Variants in ZEB1 observed in about 807,000 individuals in gnomAD.
ZEB1 encodes zinc finger E-box-binding homeobox 1.
Under a neutral mutation model 84.9 loss-of-function variants are expected in ZEB1, and 21 were observed. That is an observed-to-expected ratio of 0.25 (90% CI 0.18 to 0.36). The LOEUF (loss-of-function observed/expected upper bound fraction) is 0.36. ZEB1 is among the 10% of genes least tolerant of loss of function. The pLI is 1.00. For synonymous variants in ZEB1, 420 were observed against 471.1 expected (o/e 0.89, Z 1.41); for missense variants, 1,104 against 1,330.2 (o/e 0.83, Z 2.65).
At chr10:31,404,037 A>G (rs1414501579) in intron 1 of ZEB1, among the ~76,000 whole-genome samples, 3 of 152,108 alleles carry the variant, frequency 2.0e-5, no homozygotes, top group Admixed American at 6.6e-5. Flanking sequence ...TATATTTACT[A>G]TATTAAATTT....
At chr10:31,512,002 G>A (rs576271623) in intron 5 of ZEB1, among the ~76,000 whole-genome samples, 1 of 152,254 alleles carries the variant, frequency 6.6e-6, no homozygotes, top group African/African-American at 2.4e-5. Context: ...ACTTGAAACA[G>A]GTGAGAGCTC....
At chr10:31,476,603 A>C in intron 2 of ZEB1, among the ~76,000 whole-genome samples, 1 of 152,036 alleles carries the variant, frequency 6.6e-6, no homozygotes, top group East Asian at 1.9e-4. Flanking sequence ...ATACCTCCCT[A>C]ACTCTTTCTG....
chr10:31,323,843 T>A (rs1269316966), intron 1 of ZEB1, among the ~76,000 whole-genome samples: 1 of 152,066 alleles, frequency 6.6e-6, no homozygotes, highest in East Asian at 1.9e-4. Flanking sequence ...GTGGTGTTTT[T>A]ATAAATGCAT....
rs760963760 is a variant in ZEB1 at position 31,386,506 on chromosome 10, T to A, written c.58+67214T>A. ...ATTCTTCTTAATCATCGCAATTTTT[T>A]AAAATGCTTTCTATGTACCAGGACC... On this transcript the variant is annotated intron_variant, in intron 1 of 8. Coordinates refer to ENST00000424869, the MANE Select transcript of ZEB1 (RefSeq NM_001174096.2). 2.6e-5 allele frequency among the ~76,000 whole-genome samples: 4 copies of A among 152,242 alleles called. 1 individual carries two copies. The highest frequency in any genetic ancestry group is 2.0e-4 in the Admixed American group (3 of 15,284).
chr10:31,321,789 G>T, intron 1 of ZEB1: 1 of 527,130 alleles, frequency 1.9e-6, no homozygotes, highest in Non-Finnish European at 3.4e-6. Context: ...GATCCTGAAA[G>T]ATACTTGAAA....
intron 1 of ZEB1, among the ~76,000 whole-genome samples, chr10:31,421,051 C>T (rs2056080760): frequency 1.3e-5 from 2 of 152,080 alleles, no homozygotes; most frequent in African/African-American, 4.8e-5. Context: ...AAAACATAAA[C>T]TCATCAGATA....
At chr10:31,485,808 T>C (rs1451715908) in intron 2 of ZEB1, among the ~76,000 whole-genome samples, 1 of 151,740 alleles carries the variant, frequency 6.6e-6, no homozygotes, top group Non-Finnish European at 1.5e-5. Context: ...CACATAAGTG[T>C]ATTCATGTAG....
rs116432636 is a variant in ZEB1, at chr10:31,400,797, C to T, written c.59-60240C>T. ...ACCAACATAGCTTTTGTTAAAGTAA[C>T]TGCTTTTTAAAATAATTTTTAAATA... On this transcript the variant is annotated intron_variant, in intron 1 of 8. Transcript: ENST00000424869. Among the ~76,000 whole-genome samples, 1,421 of 152,116 alleles carry T rather than the reference C, an allele frequency of 9.3e-3. 24 individuals carry two copies. The highest frequency in any genetic ancestry group is 0.033 in the African/African-American group (1,360 of 41,528).
chr10:31,505,923 A>G (rs2068898576), intron 4 of ZEB1, among the ~76,000 whole-genome samples: 1 of 151,850 alleles, frequency 6.6e-6, no homozygotes. Flanking sequence ...TATATTTCAT[A>G]GGTTTTGATA....
At chr10:31,355,067 T>C (rs904066276) in intron 1 of ZEB1, 4 of 152,192 alleles carry the variant, frequency 2.6e-5, no homozygotes, top group African/African-American at 4.8e-5. Context: ...AAGACTCCTA[T>C]TGATTTGAAA....
chr10:31,456,188 A>G (rs548622935), intron 1 of ZEB1, among the ~76,000 whole-genome samples: 1 of 152,234 alleles, frequency 6.6e-6, no homozygotes, highest in Admixed American at 6.5e-5. Context: ...GTTCTCACTC[A>G]TGGGTGGGAG....
intron 1 of ZEB1, among the ~76,000 whole-genome samples, chr10:31,373,510 A>G (rs933396278): frequency 6.6e-6 from 1 of 152,004 alleles, no homozygotes; most frequent in East Asian, 1.9e-4. Context: ...TTTAACTTCT[A>G]AAAAATTTGT....
chr10:31,386,590 C>T (rs1318613162), intron 1 of ZEB1, among the ~76,000 whole-genome samples: 1 of 152,070 alleles, frequency 6.6e-6, no homozygotes, highest in African/African-American at 2.4e-5. Context: ...TTCCTTTCCT[C>T]ATGGAGTTTT....
intron 1 of ZEB1, among the ~76,000 whole-genome samples, chr10:31,357,917 C>T (rs1289673957): frequency 2.0e-5 from 3 of 152,042 alleles, no homozygotes; most frequent in African/African-American, 4.8e-5. Flanking sequence ...TGGCTGCAAT[C>T]AGGATTGTGT....
chr10:31,425,950 A>G (rs1428949753), intron 1 of ZEB1, among the ~76,000 whole-genome samples: 1 of 152,212 alleles, frequency 6.6e-6, no homozygotes, highest in Non-Finnish European at 1.5e-5. Context: ...ATGAAGTGTG[A>G]TGATATATTC....
At chr10:31,498,930 A>G (rs756705827) in intron 3 of ZEB1, among the ~76,000 whole-genome samples, 5 of 152,100 alleles carry the variant, frequency 3.3e-5, no homozygotes, top group Non-Finnish European at 5.9e-5. Flanking sequence ...AAAAGTGTTC[A>G]TCATTCAGTT....
intron 7 of ZEB1, among the ~76,000 whole-genome samples, chr10:31,522,822 T>G (rs1565219740): frequency 6.6e-6 from 1 of 152,232 alleles, no homozygotes; most frequent in Non-Finnish European, 1.5e-5. Context: ...TATTTGCTGC[T>G]TTTGTTTTCC....
chr10:31,347,461 T>C (rs2040510874), intron 1 of ZEB1, among the ~76,000 whole-genome samples: 1 of 152,158 alleles, frequency 6.6e-6, no homozygotes, highest in South Asian at 2.1e-4. Context: ...TCCTCCTGTT[T>C]GGCCTCCTAG....
chr10:31,333,746 C>T (rs999744193), intron 1 of ZEB1, among the ~76,000 whole-genome samples: 3 of 151,934 alleles, frequency 2.0e-5, no homozygotes, highest in East Asian at 1.9e-4. Context: ...TTGAAAAAAT[C>T]CTCCACTTAA....
Sources: allele counts gnomAD v4.1 joint callset (sites outside exome capture counted in the v4.1 genomes callset), GRCh38; gene constraint gnomAD v4.1.1; transcripts MANE v1.5; gene names NCBI Gene and HGNC (gene_info 2026-07-23, HGNC 2026-07-21).